SERPINF1: variants seen among roughly 807,000 people sequenced by gnomAD.
SERPINF1 encodes serpin family F member 1, also known as pigment epithelium-derived factor.
Under a neutral mutation model 37.3 loss-of-function variants are expected in SERPINF1, and 29 were observed. That is an observed-to-expected ratio of 0.78 (90% CI 0.58 to 1.06). The LOEUF (loss-of-function observed/expected upper bound fraction) is 1.06. Among genes scored for constraint, SERPINF1 ranks in the 50% least tolerant of loss-of-function variants. The pLI is 0.00. For synonymous variants in SERPINF1, 281 were observed against 227.9 expected (o/e 1.23, Z -2.10); for missense variants, 553 against 532.2 (o/e 1.04, Z -0.38).
At chr17:1,774,950 G>C in intron 5 of SERPINF1, 108 bp from the exon 6 acceptor site, 1 of 1,404,508 alleles carries the variant, frequency 7.1e-7, no homozygotes. Context: ...TGACAGCTAA[G>C]CTCCCTTGAG....
At chr17:1,767,878 T>C (rs1907479551) in intron 2 of SERPINF1, among the ~76,000 whole-genome samples, 1 of 152,148 alleles carries the variant, frequency 6.6e-6, no homozygotes, top group Non-Finnish European at 1.5e-5. Flanking sequence ...ACCAAACACC[T>C]ACTCGACAGG....
intron 1 of SERPINF1, among the ~76,000 whole-genome samples, chr17:1,763,044 C>T (rs1270034119): frequency 6.6e-6 from 1 of 152,210 alleles, no homozygotes; most frequent in Non-Finnish European, 1.5e-5. Context: ...AAGTGCAACT[C>T]CACGGCACCC....
At chr17:1,770,968 G>A (rs576828379) in intron 3 of SERPINF1, 61 bp from the exon 4 acceptor site, 4 of 1,605,022 alleles carry the variant, frequency 2.5e-6, no homozygotes, top group Non-Finnish European at 3.4e-6. Context: ...TGTTCTGGGA[G>A]GGGGCTTGAT....
At chr17:1,764,991 G>GCC (rs1435966629) in intron 1 of SERPINF1, among the ~76,000 whole-genome samples, 2 of 151,626 alleles carry the variant, frequency 1.3e-5, no homozygotes, top group Non-Finnish European at 2.9e-5. Flanking sequence ...TTACAGGCAT[G>GCC]CGCCACCACA....
chr17:1,776,818 G>A (rs1162048552), intron 7 of SERPINF1, 76 bp downstream of exon 7: 8 of 1,392,652 alleles, frequency 5.7e-6, no homozygotes, highest in African/African-American at 1.4e-5. Context: ...ACTGTGCTAA[G>A]CAGAACGCAA....
chr17:1,768,537 G>A (rs571358659), intron 2 of SERPINF1, among the ~76,000 whole-genome samples: 41 of 148,444 alleles, frequency 2.8e-4, no homozygotes, highest in African/African-American at 9.2e-4. Flanking sequence ...ACAGTGGTGC[G>A]ATCTTGGCTC....
chr17:1,769,258 A>C (rs902216253), intron 2 of SERPINF1, among the ~76,000 whole-genome samples: 9 of 151,994 alleles, frequency 5.9e-5, no homozygotes, highest in African/African-American at 2.2e-4. Flanking sequence ...AAATACAAAA[A>C]ATTACCCAGG....
intron 6 of SERPINF1, among the ~76,000 whole-genome samples, chr17:1,776,299 T>G (rs1908026135): frequency 6.6e-6 from 1 of 152,188 alleles, no homozygotes. Flanking sequence ...CAACTTCAGT[T>G]GGTATTAGGC....
At position 1,772,014 on chromosome 17, in the gene SERPINF1, G is replaced by A. The variant is rs770309070; in HGVS notation, c.582G>A (p.Arg194=). The change falls in exon 5 of 8, where the codon AGG becomes AGA. Residue 194 remains arginine (R), a synonymous_variant. Transcript: ENST00000254722. ...CGCAGATGAAAGGGAAGCTCGCCAG[G>A]TCCACAAAGGAAATTCCCGATGAGA... is the stretch of plus-strand genomic sequence containing the variant. The part of the protein sequence containing the change: ...VQAQMKGKLA[R]STKEIPDEIS... The A allele has an allele frequency of 2.1e-5, 34 of 1,613,788 alleles. No individual in the cohort carries two copies. Among genetic ancestry groups the A allele is most frequent in the Admixed American group, 3.3e-5 (2 of 59,964 alleles).
chr17:1,771,807 G>T, intron 4 of SERPINF1, 65 bp from the exon 5 acceptor site: 1 of 1,511,442 alleles, frequency 6.6e-7, no homozygotes. Flanking sequence ...AGCCTGGCAG[G>T]CTCTCAAAGA....
chr17:1,768,075 G>C (rs1379217555), intron 2 of SERPINF1, among the ~76,000 whole-genome samples: 4 of 151,970 alleles, frequency 2.6e-5, no homozygotes, highest in Non-Finnish European at 5.9e-5. Flanking sequence ...GGTGGCAAGT[G>C]CTTGTGGTAC....
At position 1,769,917 on chromosome 17, in the gene SERPINF1, C is replaced by G. The variant is rs990744325; in HGVS notation, c.150C>G (p.Pro50=). The G allele has an allele frequency of 1.2e-6, 2 of 1,614,198 alleles. No homozygotes were observed. The highest frequency in any genetic ancestry group is 1.7e-6 in the Non-Finnish European group (2 of 1,180,022). Residue 50 remains proline (P), a synonymous_variant, in exon 3 of 8, where the codon CCC becomes CCG. Transcript: ENST00000254722. ...VEEEDPFFKV[P]VNKLAAAVSN... ...AGGAGGATCCTTTCTTCAAAGTCCC[C>G]GTGAACAAGCTGGCAGCGGCTGTCT...
intron 5 of SERPINF1, among the ~76,000 whole-genome samples, chr17:1,773,284 C>T (rs1907852238): frequency 6.6e-6 from 1 of 152,148 alleles, no homozygotes; most frequent in Non-Finnish European, 1.5e-5. Context: ...CATTCTGTTG[C>T]CCAGGCTGGA....
rs1322241297 is a variant in SERPINF1 at position 1,769,927 on chromosome 17, C to T, written c.160C>T (p.Leu54=). Residue 54 remains leucine (L), a synonymous_variant, in exon 3 of 8, where the codon CTG becomes TTG. Transcript: ENST00000254722. ...TTTCTTCAAAGTCCCCGTGAACAAGCTGGCAGCGGCTGTCTCCAACTTCGG... is the reference window on the plus strand; with the variant it reads ...TTTCTTCAAAGTCCCCGTGAACAAGTTGGCAGCGGCTGTCTCCAACTTCGG... ...DPFFKVPVNK[L]AAAVSNFGYD... is the part of the protein sequence containing the mutation. 7 of 1,614,104 alleles carry T rather than the reference C, an allele frequency of 4.3e-6. No homozygotes were observed. Among genetic ancestry groups the T allele is most frequent in the Non-Finnish European group, 5.9e-6 (7 of 1,180,044 alleles).
At chr17:1,770,850 C>A in intron 3 of SERPINF1, 179 bp from the exon 4 acceptor site, 2 of 746,312 alleles carry the variant, frequency 2.7e-6, no homozygotes, top group African/African-American at 1.7e-5. Context: ...TGCCTTTAAC[C>A]TACTTCAGGA....
rs1391729160 is a variant in SERPINF1 at position 1,771,915 on chromosome 17, A to G, written c.483A>G (p.Ser161=). Residue 161 remains serine, a synonymous_variant, in exon 5 of 8, where the codon TCA becomes TCG. Coordinates refer to ENST00000254722, the MANE Select transcript of SERPINF1 (RefSeq NM_002615.7). ...KSSFVAPLEK[S]YGTRPRVLTG... Reference sequence around the variant, plus strand: ...GCTTTGTGGCACCTCTGGAAAAGTCATATGGGACCAGGCCCAGAGTCCTGA... The same window carrying G: ...GCTTTGTGGCACCTCTGGAAAAGTCGTATGGGACCAGGCCCAGAGTCCTGA... 5.6e-6 allele frequency: 9 copies of G among 1,613,876 alleles called. No homozygotes were observed. Among genetic ancestry groups the G allele is most frequent in the Admixed American group, 5.0e-5 (3 of 59,980 alleles).
At chr17:1,775,017 G>A (rs767051803) in intron 5 of SERPINF1, 41 bp from the exon 6 acceptor site, 112 of 1,613,570 alleles carry the variant, frequency 6.9e-5, no homozygotes, top group Non-Finnish European at 8.7e-5. Flanking sequence ...CTGTCTTTCT[G>A]GTCTCCTGGG....
At chr17:1,769,650 C>A in intron 2 of SERPINF1, 3 of 628,610 alleles carry the variant, frequency 4.8e-6, no homozygotes, top group South Asian at 3.7e-5. Context: ...GCTGATCTCT[C>A]TTCTGCGCTG....
rs374903978 is a variant in SERPINF1 at position 1,774,320 on chromosome 17, C to T, written c.644-738C>T. Among the ~76,000 whole-genome samples, 21 of 152,294 alleles carry T rather than the reference C, an allele frequency of 1.4e-4. No individual in the cohort carries two copies. The East Asian group carries it at 1.7e-3, about 13-fold the overall frequency. ...AAGTGATTCTCCTGTCTCTGCCTCCCGAGTAGCTGGGATTACAGACACCCA... is the reference window on the plus strand; with the variant it reads ...AAGTGATTCTCCTGTCTCTGCCTCCTGAGTAGCTGGGATTACAGACACCCA... On this transcript the variant is annotated intron_variant, in intron 5 of 7. Coordinates refer to ENST00000254722, the MANE Select transcript of SERPINF1 (RefSeq NM_002615.7).
Sources: gnomAD v4.1 joint callset for allele counts (sites outside exome capture counted in the v4.1 genomes callset) on GRCh38, gnomAD v4.1.1 for gene constraint, MANE v1.5 for transcripts, NCBI Gene and HGNC (gene_info 2026-07-23, HGNC 2026-07-21) for gene names.